Variants in IGFBP5 observed in about 807,000 individuals in gnomAD.
IGFBP5 encodes the protein insulin like growth factor binding protein 5, also known as insulin-like growth factor-binding protein 5.
In IGFBP5, 12 loss-of-function variants were observed where a neutral mutation model predicts 28.0. The ratio of observed to expected loss-of-function variants is 0.43; its 90% CI spans 0.27 to 0.69. The LOEUF (loss-of-function observed/expected upper bound fraction) is 0.69. Ranked by LOEUF, IGFBP5 falls within the 30% of genes least tolerant of loss-of-function variation. The pLI is 0.20. For missense variants in IGFBP5, 344 were observed against 381.6 expected (o/e 0.90, Z 0.82); for synonymous variants, 152 against 150.2 (o/e 1.01, Z -0.09).
In IGFBP5 at chr2:216,695,158, A is replaced by T. The variant is rs1689153267; in HGVS notation, c.-383T>A. The T allele has an allele frequency of 5.6e-6, 1 of 178,444 alleles. No homozygotes were observed. The highest frequency in any genetic ancestry group is 2.0e-4 in the South Asian group (1 of 5,066). 11.1% of individuals were successfully genotyped at this position (178,444 alleles called of 1,614,324 possible). On this transcript the variant is annotated 5_prime_UTR_variant, in exon 1 of 4. Transcript: ENST00000233813. ...AATAATGAGATCGGATGCAGTGGAG[A>T]TGGCGTTGGGGGTGGGAGAGAAAAA...
intron 1 of IGFBP5, among the ~76,000 whole-genome samples, chr2:216,690,553 C>T (rs908652107): frequency 2.6e-5 from 4 of 152,178 alleles, no homozygotes; most frequent in Non-Finnish European, 4.4e-5. Context: ...TTCCTGCTCC[C>T]ATGCCCTTTG....
chr2:216,685,462 G>C (rs1689023496), intron 1 of IGFBP5, among the ~76,000 whole-genome samples: 1 of 152,110 alleles, frequency 6.6e-6, no homozygotes, highest in Admixed American at 6.5e-5. Context: ...GTCAGTGCTG[G>C]CCTGACGGCA....
At position 216,679,813 on chromosome 2, in the gene IGFBP5, C is replaced by A. The variant is rs555983001; in HGVS notation, c.338-734G>T. ...TCTGGCTCAGAACTGGCGCGGTGCT[C>A]GGGGGCCTGGGAGGCTGGGACGTTA... On this transcript the variant is annotated intron_variant, in intron 1 of 3. Transcript: ENST00000233813. The surrounding 1 kb of genome is among the most constrained non-coding windows in gnomAD (Gnocchi z 4.6). 6.6e-6 allele frequency among the ~76,000 whole-genome samples: 1 copy of A among 152,030 alleles called. No homozygotes were observed. The highest frequency in any genetic ancestry group is 1.5e-5 in the Non-Finnish European group (1 of 68,004).
intron 1 of IGFBP5, among the ~76,000 whole-genome samples, chr2:216,683,683 G>C (rs1404912567): frequency 1.3e-5 from 2 of 152,180 alleles, no homozygotes; most frequent in Non-Finnish European, 2.9e-5. Flanking sequence ...AGAGGTTTTT[G>C]CAGAGGATGG....
At chr2:216,689,066 C>T (rs866420475) in intron 1 of IGFBP5, among the ~76,000 whole-genome samples, 4 of 152,210 alleles carry the variant, frequency 2.6e-5, no homozygotes, top group Admixed American at 6.5e-5. Context: ...TTCTCTCCTT[C>T]GGATGCAGAA....
At chr2:216,677,654 C>T (rs976303980) in intron 3 of IGFBP5, among the ~76,000 whole-genome samples, 1 of 152,158 alleles carries the variant, frequency 6.6e-6, no homozygotes, top group African/African-American at 2.4e-5. Flanking sequence ...TCAGAAACTG[C>T]AGGGGTGGGG....
At position 216,692,908 on chromosome 2, in the gene IGFBP5, C is replaced by A. The variant is rs977629412; in HGVS notation, c.337+1531G>T. Among the ~76,000 whole-genome samples the A allele has an allele frequency of 6.6e-6, 1 of 152,094 alleles. No individual in the cohort carries two copies. The highest frequency in any genetic ancestry group is 2.1e-4 in the South Asian group (1 of 4,820). On this transcript the variant is annotated intron_variant, in intron 1 of 3. Transcript: ENST00000233813. This position sits in a 1 kb window ranked among gnomAD's most constrained non-coding sequence, Gnocchi z 4.2. ...GGAAGCTCTCCGGCCTCCTGGCAAGCGCGGACGCACTCCTCTCCTGCACTA... is the reference window on the plus strand; with the variant it reads ...GGAAGCTCTCCGGCCTCCTGGCAAGAGCGGACGCACTCCTCTCCTGCACTA...
At chr2:216,680,090 C>A (rs1401670702) in intron 1 of IGFBP5, among the ~76,000 whole-genome samples, 2 of 152,114 alleles carry the variant, frequency 1.3e-5, no homozygotes, top group Admixed American at 1.3e-4. Context: ...CTCCCCCAGC[C>A]TCAGAGGAAC....
rs11575205 is a variant in IGFBP5 at position 216,676,703 on chromosome 2, C to T, written c.*48G>A. On this transcript the variant is annotated 3_prime_UTR_variant, in exon 4 of 4. Coordinates refer to ENST00000233813, the MANE Select transcript of IGFBP5 (RefSeq NM_000599.4). Reference sequence around the variant, plus strand: ...GGTGGAGGGAGGCGCTGGCTGGAGTCGGGGCTGGGGGTGGGAGGGGGTGAG... The same window carrying T: ...GGTGGAGGGAGGCGCTGGCTGGAGTTGGGGCTGGGGGTGGGAGGGGGTGAG... The T allele has an allele frequency of 0.064, 65,573 of 1,027,594 alleles. 2,431 individuals carry two copies. Among genetic ancestry groups the T allele is most frequent in the African/African-American group, 0.27 (10,452 of 39,030 alleles). The allele number at this position is 1,027,594 out of a possible 1,614,324, so 63.7% of individuals were successfully genotyped here.
At chr2:216,682,260 T>C (rs1316887088) in intron 1 of IGFBP5, among the ~76,000 whole-genome samples, 1 of 152,000 alleles carries the variant, frequency 6.6e-6, no homozygotes, top group Non-Finnish European at 1.5e-5. Context: ...CTAATCAGGG[T>C]CTTGTGGTCA....
At position 216,695,051 on chromosome 2, in the gene IGFBP5, C is replaced by T. The variant is rs569705525; in HGVS notation, c.-276G>A. On this transcript the variant is annotated 5_prime_UTR_variant, in exon 1 of 4. Transcript: ENST00000233813. ...CCAGGTGCACGCAGTGAGCGGAGGC[C>T]GGAGAAACCCTCAAGCCTGAGCGGG... 1.3e-4 allele frequency: 45 copies of T among 334,584 alleles called. No homozygotes were observed. The highest frequency in any genetic ancestry group is 8.6e-4 in the African/African-American group (41 of 47,414). The allele number at this position is 334,584 out of a possible 1,614,324, so 20.7% of individuals were successfully genotyped here.
rs529696151 is a variant in IGFBP5, at chr2:216,679,500, G to T, written c.338-421C>A. Among the ~76,000 whole-genome samples the T allele has an allele frequency of 2.0e-4, 30 of 152,238 alleles. No individual in the cohort carries two copies. The highest frequency in any genetic ancestry group is 3.4e-3 in the Middle Eastern group (1 of 292). ...GGGACATGGCTGGAGGTGGGGCTGA[G>T]AAGTAGGAACCCGGGAATCTGGGCC... is the stretch of plus-strand genomic sequence containing the variant. On this transcript the variant is annotated intron_variant, in intron 1 of 3. Coordinates refer to ENST00000233813, the MANE Select transcript of IGFBP5 (RefSeq NM_000599.4). This position sits in a 1 kb window ranked among gnomAD's most constrained non-coding sequence, Gnocchi z 4.6.
chr2:216,681,600 A>G lies in IGFBP5; in HGVS notation c.338-2521T>C, dbSNP rs569476890. On this transcript the variant is annotated intron_variant, in intron 1 of 3. Coordinates refer to ENST00000233813, the MANE Select transcript of IGFBP5 (RefSeq NM_000599.4). ...CATTTAGTCCATCCCCCTGTGTCCA[A>G]GCAGAAATAAGCATCTATCTCTCTA... Among the ~76,000 whole-genome samples, 4 of 152,206 alleles carry G rather than the reference A, an allele frequency of 2.6e-5. No individual in the cohort carries two copies. The East Asian group carries it at 5.8e-4, about 22-fold the overall frequency.
chr2:216,678,982 G>C lies in IGFBP5; in HGVS notation c.435C>G (p.Ser145=). The change falls in exon 2 of 4, where the codon TCC becomes TCG. Residue 145 remains serine, a synonymous_variant. Transcript: ENST00000233813. The part of the protein sequence containing the change: ...KIFRPKHTRI[S]ELKAEAVKKD... ...TCTTCACTGCTTCAGCCTTCAGCTC[G>C]GAGATGCGGGTGTGTTTGGGCCGGA... 1 of 1,614,156 alleles carries C rather than the reference G, an allele frequency of 6.2e-7. No homozygotes were observed. The highest frequency in any genetic ancestry group is 8.5e-7 in the Non-Finnish European group (1 of 1,180,034).
intron 1 of IGFBP5, among the ~76,000 whole-genome samples, chr2:216,690,027 T>A (rs1446010581): frequency 6.8e-6 from 1 of 146,104 alleles, no homozygotes; most frequent in Non-Finnish European, 1.5e-5. Context: ...TGGAAAGAAA[T>A]GAAACTGGAA....
chr2:216,690,051 A>G (rs1450413200), intron 1 of IGFBP5, among the ~76,000 whole-genome samples: 1 of 149,514 alleles, frequency 6.7e-6, no homozygotes, highest in African/African-American at 2.5e-5. Context: ...AAAGGGGGGG[A>G]TTTCACTGGT....
chr2:216,689,113 CCT>C (rs1309499106), intron 1 of IGFBP5, among the ~76,000 whole-genome samples: 6 of 152,178 alleles, frequency 3.9e-5, no homozygotes, highest in Non-Finnish European at 8.8e-5. Flanking sequence ...CCAACCACAC[CCT>C]CTCTCGATCT....
Position 216,694,528 on chromosome 2 carries a change from C to T in IGFBP5, c.248G>A (p.Arg83Gln), listed in dbSNP as rs779795855. 1.3e-6 allele frequency: 2 copies of T among 1,581,574 alleles called. No individual in the cohort carries two copies. Among genetic ancestry groups the T allele is most frequent in the South Asian group, 1.2e-5 (1 of 86,528 alleles). The change falls in exon 1 of 4, where the codon CGG (arginine) becomes CAG (glutamine). Residue 83 changes from arginine (R) to glutamine (Q), a missense_variant. Coordinates refer to ENST00000233813, the MANE Select transcript of IGFBP5 (RefSeq NM_000599.4). The surrounding 1 kb of genome is among the most constrained non-coding windows in gnomAD (Gnocchi z 5.2). ...RCAQGLRCLP[R>Q]QDEEKPLHAL... ...GTGCAGCGGCTTCTCCTCGTCCTGC[C>T]GGGGGAGGCAGCGCAGCCCCTGGGC...
chr2:216,687,978 G>A (rs1232599806), intron 1 of IGFBP5, among the ~76,000 whole-genome samples: 1 of 152,156 alleles, frequency 6.6e-6, no homozygotes, highest in African/African-American at 2.4e-5. Flanking sequence ...TTGAGTCTTT[G>A]GGAGCAAAAG....
Sources: gnomAD v4.1 joint callset for allele counts (sites outside exome capture counted in the v4.1 genomes callset) on GRCh38, gnomAD v4.1.1 for gene constraint, Gnocchi (gnomAD v3.1) non-coding constraint, MANE v1.5 for transcripts, NCBI Gene and HGNC (gene_info 2026-07-23, HGNC 2026-07-21) for gene names.